The following CNTN5 variants were observed in gnomAD, a reference collection of about 807,000 sequenced individuals.
CNTN5 encodes contactin-5.
In CNTN5, 77 loss-of-function variants were observed where a neutral mutation model predicts 129.1. The ratio of observed to expected loss-of-function variants is 0.60; its 90% CI spans 0.50 to 0.72. CNTN5 has a LOEUF of 0.72. Ranked by LOEUF, CNTN5 falls within the 30% of genes least tolerant of loss-of-function variation. CNTN5 has a pLI of 0.00. For missense variants in CNTN5, 1,478 were observed against 1,328.8 expected (o/e 1.11, Z -1.75); for synonymous variants, 509 against 465.6 (o/e 1.09, Z -1.20).
intron 2 of CNTN5, among the ~76,000 whole-genome samples, chr11:99,376,026 T>C (rs1045606742): frequency 2.0e-5 from 3 of 152,084 alleles, no homozygotes; most frequent in Admixed American, 2.0e-4. Flanking sequence ...ACCAAAGATA[T>C]AATGAATATA....
chr11:99,272,981 A>C (rs555612043), intron 1 of CNTN5, among the ~76,000 whole-genome samples: 11 of 152,006 alleles, frequency 7.2e-5, no homozygotes, highest in Admixed American at 1.3e-4. Context: ...TATAAGTTAC[A>C]TTTCTAACAG....
At chr11:99,407,292 G>T (rs1412418340) in intron 2 of CNTN5, among the ~76,000 whole-genome samples, 2 of 152,114 alleles carry the variant, frequency 1.3e-5, no homozygotes, top group African/African-American at 4.8e-5. Flanking sequence ...CAGGCCTAGT[G>T]CTTCTATTCA....
intron 3 of CNTN5, among the ~76,000 whole-genome samples, chr11:99,709,532 A>G (rs554803737): frequency 6.6e-6 from 1 of 151,978 alleles, no homozygotes; most frequent in Non-Finnish European, 1.5e-5. Flanking sequence ...ATGCATATAT[A>G]CATATGTGCA....
chr11:99,761,781 G>C (rs1944590596), intron 3 of CNTN5, among the ~76,000 whole-genome samples: 1 of 128,994 alleles, frequency 7.8e-6, no homozygotes, highest in Non-Finnish European at 1.7e-5. Flanking sequence ...TATATACCCA[G>C]TAATGGGATG....
At chr11:99,297,903 GCCAGTTCA>G in intron 1 of CNTN5, among the ~76,000 whole-genome samples, 1 of 152,258 alleles carries the variant, frequency 6.6e-6, no homozygotes, top group East Asian at 1.9e-4. Flanking sequence ...CTGGATCCAA[GCCAGTTCA>G]TTCCTGTATC....
rs565053908 is a variant in CNTN5, at chr11:100,080,811, A to T, written c.1580+6517A>T. Among the ~76,000 whole-genome samples the T allele has an allele frequency of 1.8e-4, 28 of 152,306 alleles. No individual in the cohort carries two copies. The South Asian group carries it at 5.8e-3, about 32-fold the overall frequency. Reference sequence around the variant, plus strand: ...TAATGAAAGAAAATTAGCATTCATAAATCAAGAATGTACAATTTGAATTTA... The same window carrying T: ...TAATGAAAGAAAATTAGCATTCATATATCAAGAATGTACAATTTGAATTTA... On this transcript the variant is annotated intron_variant, in intron 13 of 24. Transcript: ENST00000524871.
intron 13 of CNTN5, among the ~76,000 whole-genome samples, chr11:100,079,138 C>G (rs1367838701): frequency 6.6e-6 from 1 of 152,122 alleles, no homozygotes; most frequent in Non-Finnish European, 1.5e-5. Flanking sequence ...TCAGTTACCT[C>G]TACCTGATCT....
intron 13 of CNTN5, among the ~76,000 whole-genome samples, chr11:100,189,664 G>A (rs1027284234): frequency 6.6e-6 from 1 of 151,944 alleles, no homozygotes; most frequent in African/African-American, 2.4e-5. Flanking sequence ...GTATCTTTGG[G>A]GTTGAAATGG....
chr11:99,926,922 A>G (rs1591433453), intron 7 of CNTN5, among the ~76,000 whole-genome samples: 1 of 152,170 alleles, frequency 6.6e-6, no homozygotes, highest in South Asian at 2.1e-4. Context: ...AAATACGTTA[A>G]TGTTGTATTC....
In CNTN5 at chr11:100,271,363, A is replaced by G. The variant is rs145800528; in HGVS notation, c.2314+122A>G. ...ATAATTTGTCCTGATTCATTTACCT[A>G]AACATCATAAAATTATTTTCTTTAA... On this transcript the variant is annotated intron_variant, in intron 18 of 24. Transcript: ENST00000524871. 165 of 528,120 alleles carry G rather than the reference A, an allele frequency of 3.1e-4. No homozygotes were observed. The East Asian group carries it at 5.5e-3, about 17-fold the overall frequency. 32.7% of individuals were successfully genotyped at this position (528,120 alleles called of 1,614,324 possible).
intron 3 of CNTN5, among the ~76,000 whole-genome samples, chr11:99,617,282 C>T (rs1464174578): frequency 6.6e-6 from 1 of 152,142 alleles, no homozygotes; most frequent in East Asian, 1.9e-4. Flanking sequence ...ACCATCCTGG[C>T]TGCAGTGTAA....
At chr11:99,428,215 C>A (rs1943213584) in intron 2 of CNTN5, among the ~76,000 whole-genome samples, 2 of 151,924 alleles carry the variant, frequency 1.3e-5, no homozygotes, top group South Asian at 4.2e-4. Context: ...TTATAAACAA[C>A]CTTTGAATTA....
intron 18 of CNTN5, among the ~76,000 whole-genome samples, chr11:100,271,942 G>A (rs909394330): frequency 3.3e-5 from 5 of 152,164 alleles, no homozygotes; most frequent in Admixed American, 1.3e-4. Flanking sequence ...AGATTTTTAT[G>A]ACTTTGGACA....
chr11:99,344,022 A>C (rs1206451710), intron 2 of CNTN5, among the ~76,000 whole-genome samples: 1 of 152,258 alleles, frequency 6.6e-6, no homozygotes, highest in Non-Finnish European at 1.5e-5. Flanking sequence ...TCTCATATAG[A>C]GATAATACCT....
intron 2 of CNTN5, among the ~76,000 whole-genome samples, chr11:99,467,670 C>G (rs1271265921): frequency 6.6e-6 from 1 of 152,084 alleles, no homozygotes; most frequent in East Asian, 1.9e-4. Context: ...TAACTTTATG[C>G]TTTTTCTGCA....
At chr11:100,055,656 T>C (rs769160586) in intron 9 of CNTN5, among the ~76,000 whole-genome samples, 1 of 151,672 alleles carries the variant, frequency 6.6e-6, no homozygotes, top group African/African-American at 2.4e-5. Context: ...GAAAAGCCAG[T>C]AGACATGCTA....
chr11:99,050,576 T>C (rs552617564), intron 1 of CNTN5, among the ~76,000 whole-genome samples: 31 of 151,888 alleles, frequency 2.0e-4, no homozygotes, highest in African/African-American at 7.2e-4. Context: ...CCAAAAGTAA[T>C]ATACAAGTGT....
chr11:100,119,650 A>C (rs1945950583), intron 13 of CNTN5, among the ~76,000 whole-genome samples: 1 of 151,932 alleles, frequency 6.6e-6, no homozygotes, highest in Non-Finnish European at 1.5e-5. Context: ...ATAGAAATGT[A>C]GGTTTCTTGC....
chr11:99,224,077 T>C (rs1013843510), intron 1 of CNTN5, among the ~76,000 whole-genome samples: 4 of 152,084 alleles, frequency 2.6e-5, no homozygotes, highest in Admixed American at 6.6e-5. Flanking sequence ...AATGCACCCA[T>C]CACAATTGGA....
Sources: gnomAD v4.1 joint callset for allele counts (sites outside exome capture counted in the v4.1 genomes callset) on GRCh38, gnomAD v4.1.1 for gene constraint, MANE v1.5 for transcripts, NCBI Gene and HGNC (gene_info 2026-07-23, HGNC 2026-07-21) for gene names.